The following KSR2 variants were observed in gnomAD, a reference collection of about 807,000 sequenced individuals.
KSR2 encodes kinase suppressor of ras 2.
In KSR2, 25 loss-of-function variants were observed where a neutral mutation model predicts 107.8. That is an observed-to-expected ratio of 0.23 (90% CI 0.17 to 0.32). The LOEUF (loss-of-function observed/expected upper bound fraction) is 0.32, where lower values mean the gene tolerates loss of function less well. KSR2 is among the 10% of genes least tolerant of loss of function. The pLI is 1.00. For missense variants in KSR2, 887 were observed against 1,268.9 expected (o/e 0.70, Z 4.57); for synonymous variants, 480 against 507.0 (o/e 0.95, Z 0.71).
chr12:117,890,958 G>A (rs1894323361), intron 1 of KSR2: 2 of 152,052 alleles, frequency 1.3e-5, no homozygotes, highest in South Asian at 2.1e-4. Context: ...TTGCTACATG[G>A]TTCATCACTG....
intron 7 of KSR2, among the ~76,000 whole-genome samples, chr12:117,565,101 T>G (rs1161803210): frequency 2.6e-5 from 4 of 152,156 alleles, no homozygotes; most frequent in Non-Finnish European, 5.9e-5. Context: ...TGGCCCCCTG[T>G]GAAGCAGTCA....
Position 117,761,079 on chromosome 12 carries a change from G to T in KSR2, c.918C>A (p.Thr306=), listed in dbSNP as rs368678516. ...CGTGGGATTTGCTCCGATGCAGCGC[G>T]GTGAATCCCGGGATCAAGTGTATCA... The part of the protein sequence containing the change: ...RKLIHLIPGF[T]ALHRSKSHEF... Residue 306 remains threonine, a synonymous_variant, in exon 4 of 20, where the codon ACC becomes ACA. Coordinates refer to ENST00000339824, the MANE Select transcript of KSR2 (RefSeq NM_173598.6). 5 of 1,613,778 alleles carry T rather than the reference G, an allele frequency of 3.1e-6. No homozygotes were observed. The highest frequency in any genetic ancestry group is 4.2e-6 in the Non-Finnish European group (5 of 1,179,744).
At chr12:117,803,271 G>A (rs368506356) in intron 3 of KSR2, among the ~76,000 whole-genome samples, 55 of 152,144 alleles carry the variant, frequency 3.6e-4, no homozygotes, top group Non-Finnish European at 6.5e-4. Context: ...AGCTGGGAGC[G>A]GACGGCAGAG....
chr12:117,561,586 C>A (rs544937592), intron 7 of KSR2, among the ~76,000 whole-genome samples: 3 of 152,180 alleles, frequency 2.0e-5, no homozygotes, highest in Non-Finnish European at 2.9e-5. Flanking sequence ...AACTTGCACT[C>A]TTTTTGCTTT....
chr12:117,609,249 C>T (rs922147434), intron 5 of KSR2, among the ~76,000 whole-genome samples: 12 of 152,156 alleles, frequency 7.9e-5, no homozygotes, highest in Non-Finnish European at 1.6e-4. Flanking sequence ...AGTTTCTCAT[C>T]TTTAAAATGG....
intron 4 of KSR2, among the ~76,000 whole-genome samples, chr12:117,708,759 T>A (rs1159188443): frequency 6.6e-6 from 1 of 152,184 alleles, no homozygotes; most frequent in Non-Finnish European, 1.5e-5. Context: ...GACCTGGCTG[T>A]AAGGTTGGCT....
chr12:117,475,961 C>T (rs1000639934), intron 17 of KSR2, among the ~76,000 whole-genome samples: 10 of 152,190 alleles, frequency 6.6e-5, no homozygotes, highest in African/African-American at 2.4e-4. Flanking sequence ...GGAAGTGGAT[C>T]CCCAGCCTGC....
In KSR2 at chr12:117,455,837, A is replaced by G. The variant is rs1184656687; in HGVS notation, c.*11362T>C. On this transcript the variant is annotated 3_prime_UTR_variant, in exon 20 of 20. Coordinates refer to ENST00000339824, the MANE Select transcript of KSR2 (RefSeq NM_173598.6). ...TACCCAAAAATAGGGCTATGAGGAA[A>G]CTAGAGGACCGGGGCCCAGAAGCAG... 1 of 152,182 alleles carries G rather than the reference A, an allele frequency of 6.6e-6. No homozygotes were observed. Among genetic ancestry groups the G allele is most frequent in the East Asian group, 1.9e-4 (1 of 5,190 alleles). 9.4% of individuals were successfully genotyped at this position (152,182 alleles called of 1,614,324 possible).
chr12:117,904,976 G>A (rs555567974), intron 1 of KSR2, among the ~76,000 whole-genome samples: 18 of 152,324 alleles, frequency 1.2e-4, no homozygotes, highest in Admixed American at 1.1e-3. Context: ...GAGGTCAGGA[G>A]TTCGAGACCA....
chr12:117,966,300 G>C (rs1421446744), intron 1 of KSR2, among the ~76,000 whole-genome samples: 1 of 152,192 alleles, frequency 6.6e-6, no homozygotes. Context: ...AGAGAGCTCA[G>C]GTGGCTTTTT....
At chr12:117,530,484 G>A (rs1352514950) in intron 12 of KSR2, among the ~76,000 whole-genome samples, 2 of 152,162 alleles carry the variant, frequency 1.3e-5, no homozygotes, top group African/African-American at 4.8e-5. Context: ...GCAGGAGGTT[G>A]GATCTGTCCC....
At chr12:117,799,564 TA>T (rs1274450913) in intron 3 of KSR2, among the ~76,000 whole-genome samples, 3 of 151,848 alleles carry the variant, frequency 2.0e-5, no homozygotes, top group South Asian at 2.1e-4. Flanking sequence ...TTTACCATAA[TA>T]AAAAAAATTT....
chr12:117,779,613 G>A (rs1364987221), intron 3 of KSR2, among the ~76,000 whole-genome samples: 1 of 152,132 alleles, frequency 6.6e-6, no homozygotes, highest in Non-Finnish European at 1.5e-5. Flanking sequence ...TTGGATCATG[G>A]AGTCGGCTTC....
At chr12:117,782,926 C>T (rs1391440104) in intron 3 of KSR2, among the ~76,000 whole-genome samples, 1 of 152,104 alleles carries the variant, frequency 6.6e-6, no homozygotes, top group Non-Finnish European at 1.5e-5. Context: ...GGGGACTACA[C>T]ATAATAATCG....
intron 3 of KSR2, among the ~76,000 whole-genome samples, chr12:117,774,043 C>T (rs1320266847): frequency 6.6e-6 from 1 of 152,200 alleles, no homozygotes; most frequent in African/African-American, 2.4e-5. Context: ...AGTGGTAGAT[C>T]AGGGTTTCTG....
intron 5 of KSR2, among the ~76,000 whole-genome samples, chr12:117,632,170 CT>C (rs1395812229): frequency 6.7e-6 from 1 of 149,170 alleles, no homozygotes; most frequent in Non-Finnish European, 1.5e-5. Flanking sequence ...GTATTGAGTC[CT>C]TTATATGACA....
At chr12:117,576,658 G>A (rs1879303024) in intron 7 of KSR2, among the ~76,000 whole-genome samples, 1 of 148,584 alleles carries the variant, frequency 6.7e-6, no homozygotes, top group South Asian at 2.2e-4. Context: ...CATCACTCCT[G>A]GCTAATTTTT....
At chr12:117,477,107 G>T (rs774000268) in intron 16 of KSR2, among the ~76,000 whole-genome samples, 4 of 152,150 alleles carry the variant, frequency 2.6e-5, no homozygotes, top group African/African-American at 4.8e-5. Context: ...GCCAGAGTTG[G>T]GATTCAAATC....
chr12:117,859,139 CTTTTTTTTTT>C (rs34697963), intron 2 of KSR2, among the ~76,000 whole-genome samples: 2 of 81,094 alleles, frequency 2.5e-5, no homozygotes, highest in Admixed American at 3.2e-4. Flanking sequence ...ATGAGCTGAA[CTTTTTTTTTT>C]TTTTTTTTTT....
Sources: allele counts gnomAD v4.1 joint callset (sites outside exome capture counted in the v4.1 genomes callset), GRCh38; gene constraint gnomAD v4.1.1; transcripts MANE v1.5; gene names NCBI Gene and HGNC (gene_info 2026-07-23, HGNC 2026-07-21).